The following ELMO1 variants were observed in gnomAD, a reference collection of about 807,000 sequenced individuals.
The protein encoded by ELMO1 is engulfment and cell motility 1, also known as engulfment and cell motility protein 1.
A neutral mutation model predicts 98.9 loss-of-function variants in ELMO1; 26 were observed. The observed-to-expected ratio is 0.26, with a 90% CI of 0.19 to 0.36. ELMO1 has a LOEUF of 0.36. Among genes scored for constraint, ELMO1 ranks in the 10% least tolerant of loss-of-function variants. ELMO1 has a pLI of 1.00. For synonymous variants in ELMO1, 346 were observed against 346.0 expected, an observed-to-expected ratio of 1.00 and a Z score of 0.00; for missense variants, 627 against 935.2, an observed-to-expected ratio of 0.67 and a Z score of 4.30.
chr7:37,172,799 A>G (rs1039047967), intron 13 of ELMO1, among the ~76,000 whole-genome samples: 1 of 152,216 alleles, frequency 6.6e-6, no homozygotes, highest in Non-Finnish European at 1.5e-5. Flanking sequence ...GCTAAAAAAA[A>G]ATTTGTTCCA....
In ELMO1 at chr7:37,420,083, G is replaced by A. The variant is rs1804406070; in HGVS notation, c.-74+28592C>T. On this transcript the variant is annotated intron_variant, in intron 1 of 21. Transcript: ENST00000310758. ...ACATACCTAATACAAATCACTGGGG[G>A]CTTTCAGAGGCTGAGAGGTAAGGCC... 2.0e-5 allele frequency among the ~76,000 whole-genome samples: 3 copies of A among 152,158 alleles called. No individual in the cohort carries two copies. In the South Asian group the frequency reaches 6.2e-4, roughly 32 times the overall value.
intron 16 of ELMO1, among the ~76,000 whole-genome samples, chr7:36,969,652 G>A (rs1299969335): frequency 6.6e-6 from 1 of 152,136 alleles, no homozygotes; most frequent in Non-Finnish European, 1.5e-5. Context: ...GGAGGTGTGT[G>A]TGCTGTTTAA....
intron 1 of ELMO1, among the ~76,000 whole-genome samples, chr7:37,431,784 T>C (rs1804941176): frequency 6.6e-6 from 1 of 152,134 alleles, no homozygotes; most frequent in South Asian, 2.1e-4. Context: ...GAACTAACAC[T>C]AATTTCAGAA....
intron 14 of ELMO1, among the ~76,000 whole-genome samples, chr7:37,120,297 G>T (rs565812897): frequency 6.6e-6 from 1 of 152,200 alleles, no homozygotes; most frequent in Non-Finnish European, 1.5e-5. Context: ...TGGGTGCAGC[G>T]CACCAAGCGT....
At chr7:37,000,740 G>A (rs532323073) in intron 16 of ELMO1, among the ~76,000 whole-genome samples, 7 of 152,146 alleles carry the variant, frequency 4.6e-5, no homozygotes, top group African/African-American at 1.2e-4. Flanking sequence ...AAGGTCTCTC[G>A]GCAGCCATCC....
intron 7 of ELMO1, among the ~76,000 whole-genome samples, chr7:37,235,828 C>G (rs549513643): frequency 3.3e-4 from 50 of 152,186 alleles, no homozygotes; most frequent in South Asian, 2.1e-3. Context: ...AGCTACTCTA[C>G]TCAGAAGGCT....
Position 37,292,945 on chromosome 7 carries a change from C to T in ELMO1, c.193-21063G>A, listed in dbSNP as rs1241662923. Among the ~76,000 whole-genome samples the T allele has an allele frequency of 1.5e-4, 8 of 53,448 alleles. 1 individual carries two copies. The Admixed American group carries it at 1.8e-3, about 12-fold the overall frequency. The allele number at this position is 53,448 out of a possible 152,430, so 35.1% of individuals were successfully genotyped here. On this transcript the variant is annotated intron_variant, in intron 4 of 21. Coordinates refer to ENST00000310758, the MANE Select transcript of ELMO1 (RefSeq NM_014800.11). ...GGGGTCAGTCCCCCGCCTGGCCAGC[C>T]GCCCCGTCCGGGAAGTGAGGGGCGC...
chr7:37,235,822 A>G (rs1794430740), intron 7 of ELMO1, among the ~76,000 whole-genome samples: 1 of 152,036 alleles, frequency 6.6e-6, no homozygotes, highest in Admixed American at 6.6e-5. Flanking sequence ...AGTTCCAGCT[A>G]CTCTACTCAG....
rs1647800 is a variant in ELMO1 at position 37,418,408 on chromosome 7, C to G, written c.-74+30267G>C. Reference sequence around the variant, plus strand: ...CAGCAGCCTGCAGCACCACAGTACTCCAAGCAGTTAGCAACTTCAAAACAG... The same window carrying G: ...CAGCAGCCTGCAGCACCACAGTACTGCAAGCAGTTAGCAACTTCAAAACAG... On this transcript the variant is annotated intron_variant, in intron 1 of 21. Transcript: ENST00000310758. Among the ~76,000 whole-genome samples, 1,161 of 152,310 alleles carry G rather than the reference C, an allele frequency of 7.6e-3. 5 individuals carry two copies. Among genetic ancestry groups the G allele is most frequent in the Middle Eastern group, 0.024 (7 of 294 alleles).
chr7:36,859,711 G>T (rs1802467262), intron 21 of ELMO1, among the ~76,000 whole-genome samples: 1 of 152,174 alleles, frequency 6.6e-6, no homozygotes, highest in Admixed American at 6.5e-5. Flanking sequence ...TTATATGAGG[G>T]TTAACTGGGG....
chr7:37,169,217 G>T (rs1049189314), intron 13 of ELMO1, among the ~76,000 whole-genome samples: 2 of 152,202 alleles, frequency 1.3e-5, no homozygotes, highest in African/African-American at 4.8e-5. Flanking sequence ...GGGTGGGAAT[G>T]ACCCGATTTT....
At chr7:36,891,514 G>A (rs1448239515) in intron 17 of ELMO1, among the ~76,000 whole-genome samples, 1 of 152,096 alleles carries the variant, frequency 6.6e-6, no homozygotes, top group Non-Finnish European at 1.5e-5. Context: ...CAAGGGAGAG[G>A]CATATATTAA....
intron 7 of ELMO1, among the ~76,000 whole-genome samples, chr7:37,234,088 A>T (rs13227920): frequency 0.51 from 77,906 of 152,026 alleles, 21,764 homozygotes; most frequent in Non-Finnish European, 0.63. Flanking sequence ...CTTTATTGTA[A>T]ATTATCATCA....
At chr7:36,917,597 C>CT (rs1784802570) in intron 16 of ELMO1, among the ~76,000 whole-genome samples, 1 of 152,182 alleles carries the variant, frequency 6.6e-6, no homozygotes, top group African/African-American at 2.4e-5. Context: ...CACTCTCAGA[C>CT]ATCAGAATGA....
intron 15 of ELMO1, among the ~76,000 whole-genome samples, chr7:37,095,076 T>C (rs1216868393): frequency 6.6e-6 from 1 of 152,142 alleles, no homozygotes; most frequent in Non-Finnish European, 1.5e-5. Context: ...AAGATGAGCA[T>C]AAACAGCCAA....
At chr7:36,908,813 G>C (rs182761236) in intron 16 of ELMO1, among the ~76,000 whole-genome samples, 1 of 152,302 alleles carries the variant, frequency 6.6e-6, no homozygotes, top group East Asian at 1.9e-4. Flanking sequence ...AGTATCAAGT[G>C]AGTTGGGTGC....
chr7:36,994,559 T>C (rs766899034), intron 16 of ELMO1, among the ~76,000 whole-genome samples: 31 of 152,238 alleles, frequency 2.0e-4, no homozygotes, highest in Admixed American at 3.9e-4. Context: ...GGTACAGCCA[T>C]GGGGATGAGG....
At chr7:37,082,268 A>G (rs953692280) in intron 15 of ELMO1, among the ~76,000 whole-genome samples, 1 of 152,160 alleles carries the variant, frequency 6.6e-6, no homozygotes, top group East Asian at 1.9e-4. Context: ...GGGAGAAATC[A>G]GTTGGGCAGA....
At chr7:36,877,971 C>A in intron 19 of ELMO1, 39 bp downstream of exon 19, 1 of 1,510,098 alleles carries the variant, frequency 6.6e-7, no homozygotes. Flanking sequence ...AACAACCAAC[C>A]GACCACCACT....
Sources: gnomAD v4.1 joint callset for allele counts (sites outside exome capture counted in the v4.1 genomes callset) on GRCh38, gnomAD v4.1.1 for gene constraint, MANE v1.5 for transcripts, NCBI Gene and HGNC (gene_info 2026-07-23, HGNC 2026-07-21) for gene names.